The following CHN2 variants were observed in gnomAD, a reference collection of about 807,000 sequenced individuals.
CHN2 encodes beta-chimaerin.
A neutral mutation model predicts 56.3 loss-of-function variants in CHN2; 35 were observed. That is an observed-to-expected ratio of 0.62 (90% CI 0.47 to 0.82). The LOEUF (loss-of-function observed/expected upper bound fraction) is 0.82. CHN2 is among the 40% of genes least tolerant of loss of function. The pLI, the probability that CHN2 is intolerant of heterozygous loss-of-function variation, is 0.00. For missense variants in CHN2, 491 were observed against 580.5 expected (o/e 0.85, Z 1.58); for synonymous variants, 210 against 212.8 (o/e 0.99, Z 0.12).
chr7:29,355,093 C>T lies in CHN2; in HGVS notation c.88+430C>T, dbSNP rs149106969. 1.7e-3 allele frequency among the ~76,000 whole-genome samples: 252 copies of T among 152,082 alleles called. 7 individuals carry two copies. The East Asian group carries it at 0.042, about 26-fold the overall frequency. On this transcript the variant is annotated intron_variant, in intron 2 of 12. Transcript: ENST00000222792. Reference sequence around the variant, plus strand: ...AAGCGATTCTCCTGCCTCAGCCTCCCAAGTAGCTGAGATTACAGGCATGCG... The same window carrying T: ...AAGCGATTCTCCTGCCTCAGCCTCCTAAGTAGCTGAGATTACAGGCATGCG...
At chr7:29,283,598 C>T (rs138857244) in intron 1 of CHN2, among the ~76,000 whole-genome samples, 76 of 152,120 alleles carry the variant, frequency 5.0e-4, no homozygotes, top group African/African-American at 1.8e-3. Context: ...TATGCAAGCT[C>T]TTTATATTTA....
intron 6 of CHN2, among the ~76,000 whole-genome samples, chr7:29,417,751 G>A (rs763102580): frequency 3.9e-5 from 6 of 152,172 alleles, no homozygotes; most frequent in Non-Finnish European, 8.8e-5. Flanking sequence ...TCCACTAGGA[G>A]TGGATACTAA....
At chr7:29,158,412 GAAA>G (rs1275076089) in intron 2 of CHN2, among the ~76,000 whole-genome samples, 3 of 152,186 alleles carry the variant, frequency 2.0e-5, no homozygotes, top group Non-Finnish European at 4.4e-5. Context: ...CATAACCAAA[GAAA>G]ACTAGAGGAA....
rs144681773 is a variant in CHN2 at position 29,499,500 on chromosome 7, C to G, written c.740-367C>G. 7.2e-5 allele frequency among the ~76,000 whole-genome samples: 11 copies of G among 152,260 alleles called. No homozygotes were observed. The East Asian group carries it at 1.9e-3, about 27-fold the overall frequency. On this transcript the variant is annotated intron_variant, in intron 8 of 12. Transcript: ENST00000222792. The stretch of plus-strand genomic sequence containing the variant: ...GAGTCTGGAACAAACCCTAGGTGCC[C>G]TTTATAAGCCAGGACTGTCTGGGAA...
chr7:29,358,522 G>A (rs933736291), intron 2 of CHN2, among the ~76,000 whole-genome samples: 2 of 151,888 alleles, frequency 1.3e-5, no homozygotes, highest in African/African-American at 4.8e-5. Context: ...GACTGCGGTG[G>A]TGCTATCTCA....
chr7:29,388,152 A>T (rs1025872154), intron 3 of CHN2, among the ~76,000 whole-genome samples: 22 of 152,246 alleles, frequency 1.4e-4, no homozygotes, highest in African/African-American at 5.1e-4. Context: ...TTGCTGCGCT[A>T]TACATTTTTT....
At chr7:29,330,063 C>T (rs151193518) in intron 1 of CHN2, among the ~76,000 whole-genome samples, 51 of 152,298 alleles carry the variant, frequency 3.3e-4, no homozygotes, top group African/African-American at 1.2e-3. Flanking sequence ...TTCCCTATTT[C>T]TCAAAGTACC....
chr7:29,206,320 C>T (rs925381458), intron 1 of CHN2, among the ~76,000 whole-genome samples: 7 of 152,136 alleles, frequency 4.6e-5, no homozygotes, highest in African/African-American at 7.2e-5. Flanking sequence ...AAAACTCTAT[C>T]GCCCAGGCTG....
At chr7:29,339,255 CT>C (rs917411733) in intron 1 of CHN2, among the ~76,000 whole-genome samples, 21 of 151,874 alleles carry the variant, frequency 1.4e-4, no homozygotes, top group African/African-American at 3.9e-4. Flanking sequence ...GTTTGCTATA[CT>C]TTTTTTTAAT....
chr7:29,228,091 C>G lies in CHN2; in HGVS notation c.49+33101C>G, dbSNP rs138845414. ...CCTTAAAATCCAGATATCTACAAGT[C>G]ATTGCTTCTAATTAACATAGAAGCT... On this transcript the variant is annotated intron_variant, in intron 1 of 12. Coordinates refer to ENST00000222792, the MANE Select transcript of CHN2 (RefSeq NM_004067.4). Among the ~76,000 whole-genome samples, 4 of 151,614 alleles carry G rather than the reference C, an allele frequency of 2.6e-5. No homozygotes were observed. The East Asian group carries it at 7.8e-4, about 30-fold the overall frequency.
upstream of CHN2, among the ~76,000 whole-genome samples, chr7:29,189,817 C>G (rs984761912): frequency 6.6e-6 from 1 of 152,130 alleles, no homozygotes; most frequent in Non-Finnish European, 1.5e-5. Flanking sequence ...ATACTCCAGG[C>G]AATACCCCCA....
intron 1 of CHN2, 111 bp downstream of exon 1, chr7:29,195,101 C>A: frequency 8.3e-7 from 1 of 1,206,118 alleles, no homozygotes; most frequent in Admixed American, 2.4e-5. Context: ...CCCGCTCTCT[C>A]GGAATGGGGG....
rs539421274 is a variant in CHN2, at chr7:29,147,196, C to T, written c.274+236C>T. ...GAGCCAGACAGTACGGGAGCAAGAACTAAAAAAGGCAAGGAGGTTGCAATG... is the reference window on the plus strand; with the variant it reads ...GAGCCAGACAGTACGGGAGCAAGAATTAAAAAAGGCAAGGAGGTTGCAATG... On this transcript the variant is annotated intron_variant, in intron 2 of 6. Coordinates refer to the CHN2 transcript ENST00000439384. The T allele has an allele frequency of 1.5e-5, 8 of 544,470 alleles. No individual in the cohort carries two copies. The Admixed American group carries it at 2.8e-4, about 19-fold the overall frequency. The allele number at this position is 544,470 out of a possible 1,614,324, so 33.7% of individuals were successfully genotyped here.
chr7:29,369,918 T>G (rs1285280319), intron 3 of CHN2, among the ~76,000 whole-genome samples: 1 of 152,158 alleles, frequency 6.6e-6, no homozygotes, highest in Non-Finnish European at 1.5e-5. Flanking sequence ...TATTAGTAAG[T>G]GACATTGGTT....
chr7:29,272,706 T>C (rs1790763830), intron 1 of CHN2, among the ~76,000 whole-genome samples: 1 of 152,200 alleles, frequency 6.6e-6, no homozygotes, highest in South Asian at 2.1e-4. Context: ...ATATATGCCG[T>C]ATTAGAAATT....
Position 29,237,925 on chromosome 7 carries a change from C to T in CHN2, c.49+42935C>T, listed in dbSNP as rs1032935237. 5.9e-5 allele frequency among the ~76,000 whole-genome samples: 9 copies of T among 151,596 alleles called. No individual in the cohort carries two copies. In the South Asian group the frequency reaches 8.4e-4, roughly 14 times the overall value. On this transcript the variant is annotated intron_variant, in intron 1 of 12. Transcript: ENST00000222792. ...GAGCAGAACTATCTTTCCTGCTGCA[C>T]GGCACAGCATTGTGTTATGTGGTCC...
At chr7:29,356,491 C>G (rs1798327316) in intron 2 of CHN2, among the ~76,000 whole-genome samples, 1 of 152,178 alleles carries the variant, frequency 6.6e-6, no homozygotes, top group African/African-American at 2.4e-5. Context: ...AGTAGCTGAG[C>G]TCTGTGAATG....
intron 1 of CHN2, among the ~76,000 whole-genome samples, chr7:29,240,562 T>C (rs1308468653): frequency 6.6e-6 from 1 of 152,224 alleles, no homozygotes; most frequent in African/African-American, 2.4e-5. Flanking sequence ...GTTATTTTAC[T>C]ATGTGCTGTG....
intron 4 of CHN2, among the ~76,000 whole-genome samples, chr7:29,396,081 T>C (rs950342725): frequency 1.3e-5 from 2 of 152,040 alleles, no homozygotes; most frequent in African/African-American, 4.8e-5. Flanking sequence ...TAATTATATA[T>C]CAATTAAAAA....
Sources: gnomAD v4.1 joint callset for allele counts (sites outside exome capture counted in the v4.1 genomes callset) on GRCh38, gnomAD v4.1.1 for gene constraint, MANE v1.5 for transcripts, NCBI Gene and HGNC (gene_info 2026-07-23, HGNC 2026-07-21) for gene names.